SCML2: variants seen among roughly 807,000 people sequenced by gnomAD.
SCML2 encodes Scm polycomb group protein like 2.
Under a neutral mutation model 48.4 loss-of-function variants are expected in SCML2, and 6 were observed. The observed-to-expected ratio is 0.12, with a 90% CI of 0.07 to 0.24. SCML2 has a LOEUF of 0.24. Ranked by LOEUF, SCML2 falls within the 10% of genes least tolerant of loss-of-function variation. The pLI is 1.00. For missense variants in SCML2, 377 were observed against 528.2 expected, an observed-to-expected ratio of 0.71 and a Z score of 2.81; for synonymous variants, 181 against 189.5, an observed-to-expected ratio of 0.95 and a Z score of 0.37.
At chrX:18,274,000 C>T (rs1394700249) in intron 7 of SCML2, among the ~76,000 whole-genome samples, 1 of 111,480 alleles carries the variant, frequency 9.0e-6, no homozygotes, top group East Asian at 2.8e-4. Flanking sequence ...AAATCCCCCA[C>T]ATTTACTATA....
chrX:18,320,138 G>A (rs773808391), intron 6 of SCML2, among the ~76,000 whole-genome samples, 194 bp downstream of exon 6: 7 of 112,425 alleles, frequency 6.2e-5, no homozygotes, highest in Non-Finnish European at 1.3e-4. Flanking sequence ...CTACAGAACT[G>A]AGAAAATAAA....
At chrX:18,336,092 T>C (rs1362644747) in intron 1 of SCML2, among the ~76,000 whole-genome samples, 1 of 111,813 alleles carries the variant, frequency 8.9e-6, no homozygotes, top group Non-Finnish European at 1.9e-5. Flanking sequence ...ATTTGGTCAA[T>C]TGATTTTCAA....
chrX:18,278,678 G>A (rs1927727294), intron 7 of SCML2, among the ~76,000 whole-genome samples: 1 of 112,617 alleles, frequency 8.9e-6, no homozygotes, highest in Non-Finnish European at 1.9e-5. Flanking sequence ...CTACTGTGCA[G>A]GAGCAGGTGC....
chrX:18,282,561 C>A (rs1299029362), intron 7 of SCML2, among the ~76,000 whole-genome samples: 2 of 111,150 alleles, frequency 1.8e-5, no homozygotes, highest in East Asian at 5.7e-4. Context: ...TCACTTGAGC[C>A]CAGGAAGTTG....
At chrX:18,341,602 T>C (rs932361567) in intron 1 of SCML2, among the ~76,000 whole-genome samples, 16 of 111,242 alleles carry the variant, frequency 1.4e-4, no homozygotes, top group Non-Finnish European at 2.4e-4. Flanking sequence ...AAAATAAAAA[T>C]GTACTAGTTA....
At chrX:18,341,511 A>T (rs1168497839) in intron 1 of SCML2, among the ~76,000 whole-genome samples, 1 of 111,831 alleles carries the variant, frequency 8.9e-6, no homozygotes, top group African/African-American at 3.2e-5. Context: ...CAGACTGCCA[A>T]ATTCTCTGGT....
At chrX:18,339,034 T>A (rs184938600) in intron 1 of SCML2, among the ~76,000 whole-genome samples, 1 of 110,751 alleles carries the variant, frequency 9.0e-6, no homozygotes, top group Non-Finnish European at 1.9e-5. Flanking sequence ...TCTGTCCTAA[T>A]GAAAACTTCC....
At chrX:18,264,431 T>TTGTGTGTGTGTGTG (rs149069692) in intron 8 of SCML2, among the ~76,000 whole-genome samples, 11 of 83,926 alleles carry the variant, frequency 1.3e-4, no homozygotes, top group South Asian at 7.3e-4. Context: ...ATCAGTACGA[T>TTGTGTGTGTGTGTG]TGTGTGTGTG....
chrX:18,321,108 T>A (rs1046406753), intron 5 of SCML2, among the ~76,000 whole-genome samples: 6 of 111,005 alleles, frequency 5.4e-5, no homozygotes, highest in Admixed American at 3.9e-4. Flanking sequence ...GACATGGGGG[T>A]ACTCACTGTA....
chrX:18,279,844 A>C (rs1278003642), intron 7 of SCML2, among the ~76,000 whole-genome samples: 3 of 112,253 alleles, frequency 2.7e-5, no homozygotes, highest in Non-Finnish European at 5.6e-5. Flanking sequence ...AAAACGAACA[A>C]AATCTCTGAG....
intron 1 of SCML2, among the ~76,000 whole-genome samples, chrX:18,341,651 T>C (rs1196128579): frequency 9.1e-6 from 1 of 110,470 alleles, no homozygotes. Flanking sequence ...GGCTTCCTAG[T>C]AGATAAAAGC....
intron 2 of SCML2, 100 bp from the exon 3 acceptor site, chrX:18,330,755 G>T: frequency 2.3e-6 from 1 of 442,351 alleles, no homozygotes. Flanking sequence ...GCCAATTTTA[G>T]TTTTATAATA....
At chrX:18,256,344 C>T (rs1469723814) in intron 11 of SCML2, among the ~76,000 whole-genome samples, 1 of 110,981 alleles carries the variant, frequency 9.0e-6, no homozygotes. Context: ...CCCAGCTACT[C>T]GGGAGGCTGA....
chrX:18,307,226 G>A (rs1217693888), intron 6 of SCML2, among the ~76,000 whole-genome samples: 3 of 109,879 alleles, frequency 2.7e-5, no homozygotes, highest in African/African-American at 1.0e-4. Context: ...CATCCAGGCC[G>A]CGGCGAGCCG....
rs921766657 is a variant in SCML2, at chrX:18,287,613, C to T, written c.730+17359G>A. On this transcript the variant is annotated intron_variant, in intron 7 of 14. Coordinates refer to ENST00000251900, the MANE Select transcript of SCML2 (RefSeq NM_006089.3). ...AAGACCAGCTAAAGTTGTTCTCTAC[C>T]GCCATACCTAAGTGACAATGCCATT... 9.9e-5 allele frequency among the ~76,000 whole-genome samples: 11 copies of T among 111,477 alleles called. No homozygotes were observed. In the East Asian group the frequency reaches 1.7e-3, roughly 17 times the overall value.
At chrX:18,287,626 T>G (rs1273259912) in intron 7 of SCML2, among the ~76,000 whole-genome samples, 1 of 111,636 alleles carries the variant, frequency 9.0e-6, no homozygotes, top group East Asian at 2.8e-4. Flanking sequence ...CATACCTAAG[T>G]GACAATGCCA....
intron 7 of SCML2, among the ~76,000 whole-genome samples, chrX:18,276,434 C>T (rs768012698): frequency 9.0e-6 from 1 of 111,604 alleles, no homozygotes; most frequent in African/African-American, 3.3e-5. Flanking sequence ...GAATTGGTAG[C>T]TCATATGGTA....
intron 7 of SCML2, among the ~76,000 whole-genome samples, chrX:18,295,352 G>A (rs986935741): frequency 8.1e-5 from 9 of 110,841 alleles, no homozygotes; most frequent in African/African-American, 2.0e-4. Flanking sequence ...AGACTGCCCC[G>A]CCCTGACCAT....
chrX:18,330,377 T>C (rs1281438914), intron 3 of SCML2, among the ~76,000 whole-genome samples: 1 of 112,465 alleles, frequency 8.9e-6, no homozygotes, highest in Admixed American at 9.5e-5. Flanking sequence ...GTTACCCTTT[T>C]ACTTAATCCG....
Sources: allele counts gnomAD v4.1 joint callset (sites outside exome capture counted in the v4.1 genomes callset), GRCh38; gene constraint gnomAD v4.1.1; transcripts MANE v1.5; gene names NCBI Gene and HGNC (gene_info 2026-07-23, HGNC 2026-07-21).